Variants in PTPN21 observed in about 807,000 individuals in gnomAD.
PTPN21 encodes tyrosine-protein phosphatase non-receptor type 21.
Under a neutral mutation model 131.8 loss-of-function variants are expected in PTPN21, and 77 were observed. The observed-to-expected ratio is 0.58, with a 90% CI of 0.49 to 0.71. The LOEUF (loss-of-function observed/expected upper bound fraction) is 0.71, where lower values mean the gene tolerates loss of function less well. PTPN21 is among the 30% of genes least tolerant of loss of function. The probability of loss-of-function intolerance (pLI) is 0.00; values close to 1 mark genes in which losing one functional copy is unlikely to be tolerated. For missense variants in PTPN21, 1,552 were observed against 1,527.1 expected, an observed-to-expected ratio of 1.02 and a Z score of -0.27; for synonymous variants, 715 against 621.3, an observed-to-expected ratio of 1.15 and a Z score of -2.24.
At chr14:88,535,173 A>G (rs1039654944) in intron 2 of PTPN21, among the ~76,000 whole-genome samples, 1 of 152,200 alleles carries the variant, frequency 6.6e-6, no homozygotes, top group Non-Finnish European at 1.5e-5. Context: ...CAGTATAGTA[A>G]CATGTTGGAC....
intron 2 of PTPN21, among the ~76,000 whole-genome samples, chr14:88,527,170 C>T (rs186781770): frequency 1.3e-5 from 2 of 152,222 alleles, no homozygotes; most frequent in East Asian, 1.9e-4. Context: ...TAGTAGATAC[C>T]CAGTAGTGGG....
chr14:88,526,111 C>G (rs984161411), intron 2 of PTPN21, among the ~76,000 whole-genome samples: 9 of 152,046 alleles, frequency 5.9e-5, no homozygotes, highest in Admixed American at 5.9e-4. Context: ...CAGAGACAGA[C>G]AGTAAATTGG....
At chr14:88,518,072 A>G (rs2078308189) in intron 2 of PTPN21, among the ~76,000 whole-genome samples, 1 of 146,602 alleles carries the variant, frequency 6.8e-6, no homozygotes, top group African/African-American at 2.5e-5. Context: ...AGAGTTCAGT[A>G]AATGATATGC....
At chr14:88,503,422 A>G (rs2078042893) in intron 6 of PTPN21, among the ~76,000 whole-genome samples, 1 of 152,200 alleles carries the variant, frequency 6.6e-6, no homozygotes, top group Admixed American at 6.5e-5. Context: ...ATAAGAATTT[A>G]ATGATAGAGT....
At chr14:88,526,992 TGAG>T (rs1266969703) in intron 2 of PTPN21, among the ~76,000 whole-genome samples, 1 of 152,178 alleles carries the variant, frequency 6.6e-6, no homozygotes, top group Non-Finnish European at 1.5e-5. Flanking sequence ...ATTTCATTCC[TGAG>T]TAGTATTCCA....
intron 2 of PTPN21, among the ~76,000 whole-genome samples, chr14:88,540,746 T>C (rs549713374): frequency 2.6e-5 from 4 of 152,296 alleles, no homozygotes; most frequent in African/African-American, 9.6e-5. Context: ...CACTGCAGCC[T>C]TGCCTTCCTG....
chr14:88,514,178 A>AT (rs1305796054), intron 3 of PTPN21, among the ~76,000 whole-genome samples: 1 of 152,102 alleles, frequency 6.6e-6, no homozygotes, highest in Non-Finnish European at 1.5e-5. Flanking sequence ...TATTACATCT[A>AT]TTTTTTATCT....
At position 88,500,947 on chromosome 14, in the gene PTPN21, G is replaced by GT. The variant is rs375131845; in HGVS notation, c.676-77dup. Reference sequence around the variant, plus strand: ...ACTGCTGCTAGAGTTCCCTGGACTGGTTTCCCAGATGTAGAAAGTTCCGAA... The same window carrying GT: ...ACTGCTGCTAGAGTTCCCTGGACTGGTTTTCCCAGATGTAGAAAGTTCCGAA... On this transcript the variant is annotated intron_variant, in intron 7 of 18. Transcript: ENST00000556564. The GT allele has an allele frequency of 1.2e-3, 1,293 of 1,055,294 alleles. 9 individuals carry two copies. In the African/African-American group the frequency reaches 0.019, roughly 16 times the overall value. 65.4% of individuals were successfully genotyped at this position (1,055,294 alleles called of 1,614,324 possible).
rs1279734172 is a variant in PTPN21 at position 88,479,312 on chromosome 14, G to A, written c.2119C>T (p.Leu707=). 2 of 1,613,424 alleles carry A rather than the reference G, an allele frequency of 1.2e-6. No homozygotes were observed. The highest frequency in any genetic ancestry group is 1.7e-6 in the Non-Finnish European group (2 of 1,179,620). Residue 707 remains leucine (L), a synonymous_variant, in exon 13 of 19, where the codon CTA becomes TTA. Coordinates refer to ENST00000556564, the MANE Select transcript of PTPN21 (RefSeq NM_007039.4). ...HKKSLSDATM[L]IHSSEEEEDE... is the part of the protein sequence containing the mutation. ...TCCTCCTCCTCGCTGCTGTGGATTA[G>A]CATGGTGGCGTCCGACAGGGACTTC...
chr14:88,493,880 T>C (rs535733472), intron 10 of PTPN21, among the ~76,000 whole-genome samples: 18 of 152,292 alleles, frequency 1.2e-4, no homozygotes, highest in Admixed American at 2.6e-4. Flanking sequence ...TCTTAACACC[T>C]GTATCTATAG....
At chr14:88,473,628 C>T in intron 14 of PTPN21, 37 bp downstream of exon 14, 1 of 1,583,202 alleles carries the variant, frequency 6.3e-7, no homozygotes, top group Non-Finnish European at 8.5e-7. Flanking sequence ...CCGGTTGTTC[C>T]AGAGAAGGCA....
intron 12 of PTPN21, among the ~76,000 whole-genome samples, chr14:88,483,794 T>C (rs1033873544): frequency 2.0e-5 from 3 of 152,188 alleles, no homozygotes; most frequent in African/African-American, 7.2e-5. Flanking sequence ...TCTCTTCCAC[T>C]GAGGAGCATG....
At chr14:88,468,769 C>T in intron 18 of PTPN21, 147 bp downstream of exon 18, 3 of 902,124 alleles carry the variant, frequency 3.3e-6, no homozygotes, top group Non-Finnish European at 3.4e-6. Flanking sequence ...CAAGAAGACA[C>T]AGCCTTTTGC....
At chr14:88,491,658 ATTTAC>A (rs1378599254) in intron 10 of PTPN21, among the ~76,000 whole-genome samples, 2 of 152,212 alleles carry the variant, frequency 1.3e-5, no homozygotes, top group East Asian at 3.8e-4. Flanking sequence ...TAAAAGCTTC[ATTTAC>A]TTTATGTGGG....
intron 1 of PTPN21, among the ~76,000 whole-genome samples, chr14:88,553,408 T>C (rs1047025306): frequency 9.2e-5 from 14 of 152,178 alleles, no homozygotes; most frequent in Admixed American, 7.2e-4. Context: ...TTCAGTAATA[T>C]GCAGTATTTG....
chr14:88,480,115 G>GCGCTGTGC lies in PTPN21; in HGVS notation c.1308_1315dup (p.Ala439GlyfsTer5), dbSNP rs2077627736. The GCGCTGTGC allele has an allele frequency of 6.2e-7, 1 of 1,614,052 alleles. No individual in the cohort carries two copies. Among genetic ancestry groups the GCGCTGTGC allele is most frequent in the Non-Finnish European group, 8.5e-7 (1 of 1,180,034 alleles). On this transcript the variant is annotated frameshift_variant, in exon 13 of 19. Coordinates refer to ENST00000556564, the MANE Select transcript of PTPN21 (RefSeq NM_007039.4). LOFTEE classifies it high-confidence loss of function. The stretch of plus-strand genomic sequence containing the variant: ...GGGGCGGTAGGACGGGGGTATCACG[G>GCGCTGTGC]CGCTGTGCCGATGGGACGGGAGGTA...
chr14:88,479,231 C>T lies in PTPN21; in HGVS notation c.2200G>A (p.Glu734Lys), dbSNP rs775776295. The change falls in exon 13 of 19, where the codon GAG becomes AAG. Residue 734 changes from glutamate to lysine, a missense_variant. This residue lies in a region of PTPN21 where 1,016 missense variants were observed against 883.5 expected (regional missense o/e 1.15). Coordinates refer to ENST00000556564, the MANE Select transcript of PTPN21 (RefSeq NM_007039.4). ...GARAPPARAR[E>K]PRPGLAQDPP... Reference sequence around the variant, plus strand: ...TCCTGGGCCAGGCCGGGCCGAGGCTCGCGCGCACGTGCAGGAGGCGCCCGG... The same window carrying T: ...TCCTGGGCCAGGCCGGGCCGAGGCTTGCGCGCACGTGCAGGAGGCGCCCGG... 3.1e-6 allele frequency: 5 copies of T among 1,605,546 alleles called. No homozygotes were observed. The highest frequency in any genetic ancestry group is 2.2e-5 in the South Asian group (2 of 90,180).
Position 88,504,451 on chromosome 14 carries a change from T to C in PTPN21, c.561A>G (p.Lys187=). The change falls in exon 6 of 19, where the codon AAA becomes AAG. Residue 187 remains lysine (K), a synonymous_variant. Transcript: ENST00000556564. The part of the protein sequence containing the change: ...DEKVLEEATQ[K]VALLHQKYRG... ...TGTATTTCTGATGTAGTAAGGCCAC[T>C]TTTTGGGTTGCTTCTTCCAATACTT... The C allele has an allele frequency of 6.2e-7, 1 of 1,612,478 alleles. No individual in the cohort carries two copies. The highest frequency in any genetic ancestry group is 8.5e-7 in the Non-Finnish European group (1 of 1,178,524).
intron 15 of PTPN21, chr14:88,470,296 T>C (rs1356043464): frequency 2.0e-6 from 1 of 495,912 alleles, no homozygotes; most frequent in Non-Finnish European, 3.6e-6. Context: ...GCAACCTGTT[T>C]AACCTTGCTG....
Sources: gnomAD v4.1 joint callset for allele counts (sites outside exome capture counted in the v4.1 genomes callset) on GRCh38, gnomAD v4.1.1 for gene constraint, gnomAD v4.1.1 regional missense constraint, MANE v1.5 for transcripts, NCBI Gene and HGNC (gene_info 2026-07-23, HGNC 2026-07-21) for gene names.